The following PCDHGA3 variants were observed in gnomAD, a reference collection of about 807,000 sequenced individuals.
PCDHGA3 encodes the protein protocadherin gamma-A3.
Under a neutral mutation model 58.5 loss-of-function variants are expected in PCDHGA3, and 40 were observed. The ratio of observed to expected loss-of-function variants is 0.68; its 90% confidence interval spans 0.53 to 0.89. The LOEUF is 0.89. PCDHGA3 is among the 40% of genes least tolerant of loss of function. PCDHGA3 has a pLI of 0.00. For synonymous variants in PCDHGA3, 530 were observed against 525.7 expected, an observed-to-expected ratio of 1.01 and a Z score of -0.11; for missense variants, 1,223 against 1,195.9, an observed-to-expected ratio of 1.02 and a Z score of -0.33.
intron 1 of PCDHGA3, chr5:141,404,921 A>G: frequency 6.2e-7 from 1 of 1,613,804 alleles, no homozygotes; most frequent in South Asian, 1.1e-5. Context: ...TCTCTCGGCC[A>G]CTGTCACGCT....
rs1416755901 is a variant in PCDHGA3 at position 141,489,721 on chromosome 5, G to C, written c.2425-5086G>C. The C allele has an allele frequency of 6.2e-7, 1 of 1,614,016 alleles. No homozygotes were observed. The highest frequency in any genetic ancestry group is 8.5e-7 in the Non-Finnish European group (1 of 1,179,966). On this transcript the variant is annotated intron_variant, in intron 1 of 3. Coordinates refer to ENST00000253812, the MANE Select transcript of PCDHGA3 (RefSeq NM_018916.4). The surrounding 1 kb of genome is among the most constrained non-coding windows in gnomAD (Gnocchi z 4.5). ...CCCACTGGACAGTGCCCAGGATCCGGATGTGGGCACCAATACTGTGAGCTT... is the reference window on the plus strand; with the variant it reads ...CCCACTGGACAGTGCCCAGGATCCGCATGTGGGCACCAATACTGTGAGCTT...
chr5:141,399,610 C>T, intron 1 of PCDHGA3: 1 of 1,613,946 alleles, frequency 6.2e-7, no homozygotes, highest in Non-Finnish European at 8.5e-7. Flanking sequence ...CCTAGAGCCT[C>T]TGGCACTGGC....
At position 141,403,108 on chromosome 5, in the gene PCDHGA3, G is replaced by A. The variant is rs189164879; in HGVS notation, c.2424+56651G>A. The A allele has an allele frequency of 2.7e-5, 43 of 1,614,086 alleles. No homozygotes were observed. In the African/African-American group the frequency reaches 5.1e-4, roughly 19 times the overall value. ...TTGTGGGCAACATCTCCAAGGACCT[G>A]GCTCTGGAGCCCCGGGAGCTGGCGG... On this transcript the variant is annotated intron_variant, in intron 1 of 3. Coordinates refer to ENST00000253812, the MANE Select transcript of PCDHGA3 (RefSeq NM_018916.4).
intron 1 of PCDHGA3, chr5:141,379,714 A>G (rs1315727028): frequency 6.6e-6 from 1 of 152,154 alleles, no homozygotes; most frequent in African/African-American, 2.4e-5. Flanking sequence ...CCTGGCAGTC[A>G]TGGAATTTGC....
chr5:141,403,729 C>G (rs1409756180), intron 1 of PCDHGA3: 1 of 1,613,896 alleles, frequency 6.2e-7, no homozygotes, highest in Non-Finnish European at 8.5e-7. Context: ...CCCCAGGCAC[C>G]TGGCTGCTTA....
chr5:141,478,385 T>C (rs919846683), intron 1 of PCDHGA3: 1 of 1,613,628 alleles, frequency 6.2e-7, no homozygotes, highest in Non-Finnish European at 8.5e-7. Context: ...GCCGCACCTT[T>C]ACCATCAGGT....
At chr5:141,479,273 T>G (rs1723290487) in intron 1 of PCDHGA3, 1 of 152,386 alleles carries the variant, frequency 6.6e-6, no homozygotes, top group South Asian at 2.1e-4. Context: ...AGTAATAATT[T>G]ATTTCAAAAA....
chr5:141,464,328 C>T (rs2099081878), intron 1 of PCDHGA3, among the ~76,000 whole-genome samples: 1 of 150,722 alleles, frequency 6.6e-6, no homozygotes, highest in Admixed American at 6.6e-5. Context: ...CTGTTCAACC[C>T]ATCTATGACT....
At chr5:141,412,001 A>G (rs2095528527) in intron 1 of PCDHGA3, 1 of 151,750 alleles carries the variant, frequency 6.6e-6, no homozygotes, top group Non-Finnish European at 1.5e-5. Flanking sequence ...GCATAGTGAC[A>G]TAAACACTTC....
chr5:141,421,195 G>C (rs1305388921), intron 1 of PCDHGA3: 2 of 1,504,878 alleles, frequency 1.3e-6, no homozygotes, highest in Non-Finnish European at 1.8e-6. Context: ...CAACCAGCTC[G>C]AGAAACCGCG....
chr5:141,355,170 G>A (rs200043254), intron 1 of PCDHGA3: 9 of 1,569,662 alleles, frequency 5.7e-6, no homozygotes, highest in Non-Finnish European at 2.6e-6. Flanking sequence ...AGGGAAAACC[G>A]AAGCACAGGC....
At chr5:141,394,855 C>A in intron 1 of PCDHGA3, 1 of 1,613,778 alleles carries the variant, frequency 6.2e-7, no homozygotes, top group Non-Finnish European at 8.5e-7. Flanking sequence ...CTGAAGCCTT[C>A]GGTCGACCCG....
rs567061101 is a variant in PCDHGA3 at position 141,432,791 on chromosome 5, C to T, written c.2425-62016C>T. The T allele has an allele frequency of 2.7e-5, 44 of 1,614,064 alleles. No homozygotes were observed. Among genetic ancestry groups the T allele is most frequent in the Admixed American group, 8.3e-5 (5 of 60,034 alleles). On this transcript the variant is annotated intron_variant, in intron 1 of 3. Coordinates refer to ENST00000253812, the MANE Select transcript of PCDHGA3 (RefSeq NM_018916.4). The surrounding 1 kb of genome is among the most constrained non-coding windows in gnomAD (Gnocchi z 6.0). ...CCAAGTCCTGGCGGACCTCGGCAGC[C>T]TCGAGTCTCCAGCTAACTCTGAAAC... is the stretch of plus-strand genomic sequence containing the variant.
At chr5:141,453,430 C>A (rs1043851647) in intron 1 of PCDHGA3, among the ~76,000 whole-genome samples, 1 of 152,018 alleles carries the variant, frequency 6.6e-6, no homozygotes, top group Non-Finnish European at 1.5e-5. Flanking sequence ...CCACACCTAG[C>A]CTAGTATTCT....
intron 2 of PCDHGA3, among the ~76,000 whole-genome samples, chr5:141,500,768 A>C (rs2099802446): frequency 6.6e-6 from 1 of 152,180 alleles, no homozygotes; most frequent in African/African-American, 2.4e-5. Flanking sequence ...AACTCCTCTT[A>C]TGAATATACA....
intron 1 of PCDHGA3, chr5:141,471,461 T>C (rs1409374601): frequency 6.6e-6 from 1 of 152,194 alleles, no homozygotes; most frequent in Non-Finnish European, 1.5e-5. Flanking sequence ...GAAAGATTAC[T>C]CAGGTCTCTG....
intron 2 of PCDHGA3, among the ~76,000 whole-genome samples, chr5:141,496,334 G>T (rs959266723): frequency 2.6e-5 from 4 of 152,240 alleles, no homozygotes; most frequent in Admixed American, 6.5e-5. Context: ...GAAGTCAGGA[G>T]CCTGGAGGAG....
chr5:141,432,266 T>G lies in PCDHGA3; in HGVS notation c.2425-62541T>G. ...CACCATCCAAGGGGCAAGCCTATCG[T>G]CCTACGTGTCCATCAACTCCGACAC... On this transcript the variant is annotated intron_variant, in intron 1 of 3. Transcript: ENST00000253812. This position sits in a 1 kb window ranked among gnomAD's most constrained non-coding sequence, Gnocchi z 6.0. The G allele has an allele frequency of 6.2e-7, 1 of 1,614,214 alleles. No individual in the cohort carries two copies. Among genetic ancestry groups the G allele is most frequent in the East Asian group, 2.2e-5 (1 of 44,880 alleles).
intron 1 of PCDHGA3, among the ~76,000 whole-genome samples, chr5:141,462,363 G>C (rs1425898350): frequency 6.6e-6 from 1 of 152,132 alleles, no homozygotes; most frequent in Non-Finnish European, 1.5e-5. Context: ...ACATTGTATA[G>C]TTTCTATTCT....
Sources: allele counts gnomAD v4.1 joint callset (sites outside exome capture counted in the v4.1 genomes callset), GRCh38; gene constraint gnomAD v4.1.1; non-coding constraint Gnocchi (gnomAD v3.1); transcripts MANE v1.5; gene names NCBI Gene and HGNC (gene_info 2026-07-23, HGNC 2026-07-21).